Variants in AGAP3 observed in about 807,000 individuals in gnomAD.
The protein encoded by AGAP3 is arf-GAP with GTPase, ANK repeat and PH domain-containing protein 3.
AGAP3 carries 24 observed loss-of-function variants against 96.9 expected under a neutral mutation model. The observed-to-expected ratio is 0.25, with a 90% CI of 0.18 to 0.35. The LOEUF (loss-of-function observed/expected upper bound fraction) is 0.35. Ranked by LOEUF, AGAP3 falls within the 10% of genes least tolerant of loss-of-function variation. AGAP3 has a pLI of 1.00. For missense variants in AGAP3, 876 were observed against 1,254.2 expected (o/e 0.70, Z 4.55); for synonymous variants, 563 against 536.1 (o/e 1.05, Z -0.69).
chr7:151,107,539 G>A (rs1242959760), intron 1 of AGAP3, among the ~76,000 whole-genome samples: 4 of 150,918 alleles, frequency 2.7e-5, no homozygotes, highest in Admixed American at 1.3e-4. Context: ...CGGGAGGATC[G>A]ATTGAGCCCA....
At position 151,096,009 on chromosome 7, in the gene AGAP3, G is replaced by A. The variant is rs750151812; in HGVS notation, c.331+8937G>A. On this transcript the variant is annotated intron_variant, in intron 1 of 17. Coordinates refer to ENST00000397238, the MANE Select transcript of AGAP3 (RefSeq NM_031946.7). This position sits in a 1 kb window ranked among gnomAD's most constrained non-coding sequence, Gnocchi z 4.4. ...ACTTGGGAGCTGTGTGACCTCGGGT[G>A]AGTTCCTTAACCCCTCTGTGTCTTA... Among the ~76,000 whole-genome samples, 12 of 152,214 alleles carry A rather than the reference G, an allele frequency of 7.9e-5. No individual in the cohort carries two copies. The highest frequency in any genetic ancestry group is 2.6e-4 in the Admixed American group (4 of 15,282).
Position 151,116,775 on chromosome 7 carries a change from C to T in AGAP3, c.332-18C>T, listed in dbSNP as rs759457994. On this transcript the variant is annotated intron_variant, in intron 1 of 17. Transcript: ENST00000397238. ...GTGTGCCACCCTGGCCCTGACGGGG[C>T]GGCTCTGTCTTCCGCAGACTCGTTT... 1.4e-5 allele frequency: 23 copies of T among 1,613,834 alleles called. No individual in the cohort carries two copies. The highest frequency in any genetic ancestry group is 6.7e-5 in the Admixed American group (4 of 59,996).
intron 1 of AGAP3, among the ~76,000 whole-genome samples, chr7:151,089,272 C>T (rs1432423399): frequency 6.6e-6 from 1 of 152,248 alleles, no homozygotes; most frequent in Admixed American, 6.5e-5. Flanking sequence ...GCGGTGTCCC[C>T]ACCTTCTTTC....
Position 151,108,649 on chromosome 7 carries a change from G to C in AGAP3, c.332-8144G>C, listed in dbSNP as rs562308304. On this transcript the variant is annotated intron_variant, in intron 1 of 17. Coordinates refer to ENST00000397238, the MANE Select transcript of AGAP3 (RefSeq NM_031946.7). This position sits in a 1 kb window ranked among gnomAD's most constrained non-coding sequence, Gnocchi z 4.2. ...GCCAGCCGCGTCACCTTGAGGCAGG[G>C]TGGGGCAGAGACTTCAGTCTGCTTG... Among the ~76,000 whole-genome samples, 2 of 152,314 alleles carry C rather than the reference G, an allele frequency of 1.3e-5. No homozygotes were observed. Among genetic ancestry groups the C allele is most frequent in the South Asian group, 4.1e-4 (2 of 4,820 alleles).
At chr7:151,115,286 C>T in intron 1 of AGAP3, 1 of 1,002,220 alleles carries the variant, frequency 1.0e-6, no homozygotes, top group African/African-American at 1.8e-5. Flanking sequence ...TGCTGCGCGG[C>T]GGGCGCGGGC....
At chr7:151,104,641 C>T (rs1201814559) in intron 1 of AGAP3, among the ~76,000 whole-genome samples, 3 of 152,116 alleles carry the variant, frequency 2.0e-5, no homozygotes, top group East Asian at 3.9e-4. Context: ...AGACTGCTGG[C>T]GCACAGGGTG....
intron 1 of AGAP3, among the ~76,000 whole-genome samples, chr7:151,104,099 C>T (rs924358373): frequency 3.3e-5 from 5 of 152,106 alleles, no homozygotes; most frequent in East Asian, 1.9e-4. Context: ...TCCACACGCT[C>T]GAAATAAACT....
chr7:151,130,509 T>G (rs1173443051), intron 10 of AGAP3, among the ~76,000 whole-genome samples: 1 of 151,628 alleles, frequency 6.6e-6, no homozygotes, highest in Admixed American at 6.6e-5. Flanking sequence ...CATGTAAGAG[T>G]TAATAGCAGG....
intron 1 of AGAP3, among the ~76,000 whole-genome samples, chr7:151,102,080 A>G (rs937727717): frequency 6.6e-6 from 1 of 152,190 alleles, no homozygotes; most frequent in East Asian, 1.9e-4. Context: ...CTCGAGGTGC[A>G]GTCCCTTTGC....
At chr7:151,124,337 A>G (rs2150497493) in intron 9 of AGAP3, among the ~76,000 whole-genome samples, 1 of 151,528 alleles carries the variant, frequency 6.6e-6, no homozygotes, top group South Asian at 2.1e-4. Context: ...AAAGTAGACT[A>G]CCTCCTCACC....
At chr7:151,116,750 G>A in intron 1 of AGAP3, 43 bp from the exon 2 acceptor site, 1 of 1,612,216 alleles carries the variant, frequency 6.2e-7, no homozygotes, top group Non-Finnish European at 8.5e-7. Flanking sequence ...GGACAGGTGT[G>A]TGTGCCACCC....
At chr7:151,137,564 G>T (rs1441250197) in intron 11 of AGAP3, among the ~76,000 whole-genome samples, 2 of 152,074 alleles carry the variant, frequency 1.3e-5, no homozygotes, top group Admixed American at 6.5e-5. Flanking sequence ...ACTGCCGGCC[G>T]CCGCGCCTGC....
intron 9 of AGAP3, among the ~76,000 whole-genome samples, chr7:151,125,602 G>A (rs1800121994): frequency 6.6e-6 from 1 of 152,174 alleles, no homozygotes; most frequent in African/African-American, 2.4e-5. Flanking sequence ...CGCTCGCTAG[G>A]GGCGGGGCGC....
intron 11 of AGAP3, among the ~76,000 whole-genome samples, chr7:151,135,923 G>T (rs904457512): frequency 2.1e-4 from 32 of 152,310 alleles, no homozygotes; most frequent in African/African-American, 7.5e-4. Context: ...TTTCCTCTAA[G>T]CCACCCTGAG....
At chr7:151,100,843 AAAAATAATAAT>A (rs1350079080) in intron 1 of AGAP3, among the ~76,000 whole-genome samples, 2 of 152,158 alleles carry the variant, frequency 1.3e-5, no homozygotes, top group Non-Finnish European at 1.5e-5. Flanking sequence ...CACTGTCTCA[AAAAATAATAAT>A]AAAATAATAA....
chr7:151,103,970 G>A (rs1026983624), intron 1 of AGAP3, among the ~76,000 whole-genome samples: 2 of 152,178 alleles, frequency 1.3e-5, no homozygotes, highest in African/African-American at 4.8e-5. Flanking sequence ...GGGAACACCC[G>A]GTTCCTCCAC....
At chr7:151,091,846 A>G (rs1178381660) in intron 1 of AGAP3, among the ~76,000 whole-genome samples, 1 of 152,192 alleles carries the variant, frequency 6.6e-6, no homozygotes, top group East Asian at 1.9e-4. Flanking sequence ...ATCTTCCTGT[A>G]TCATTTATTT....
intron 7 of AGAP3, chr7:151,119,051 A>AAT: frequency 4.6e-6 from 1 of 216,802 alleles, no homozygotes; most frequent in South Asian, 9.5e-5. Flanking sequence ...GTTGCATTTC[A>AAT]GAGACCCTTC....
chr7:151,117,199 C>T lies in AGAP3; in HGVS notation c.478+17C>T. 5 of 1,609,846 alleles carry T rather than the reference C, an allele frequency of 3.1e-6. No individual in the cohort carries two copies. Among genetic ancestry groups the T allele is most frequent in the Non-Finnish European group, 3.4e-6 (4 of 1,176,936 alleles). On this transcript the variant is annotated intron_variant, in intron 3 of 17. Coordinates refer to ENST00000397238, the MANE Select transcript of AGAP3 (RefSeq NM_031946.7). The stretch of plus-strand genomic sequence containing the variant: ...CCCCTGAAGGTGAGCGTCACAGGCC[C>T]AGCCTGGGCCCTGAGGCCGGCCACT...
Sources: allele counts gnomAD v4.1 joint callset (sites outside exome capture counted in the v4.1 genomes callset), GRCh38; gene constraint gnomAD v4.1.1; non-coding constraint Gnocchi (gnomAD v3.1); transcripts MANE v1.5; gene names NCBI Gene and HGNC (gene_info 2026-07-23, HGNC 2026-07-21).